PPP2R3A: variants seen among roughly 807,000 people sequenced by gnomAD.
PPP2R3A encodes serine/threonine-protein phosphatase 2A regulatory subunit B'' subunit alpha.
PPP2R3A carries 80 observed loss-of-function variants against 106.9 expected under a neutral mutation model. That is an observed-to-expected ratio of 0.75 (90% confidence interval 0.62 to 0.90). The LOEUF is 0.90. Ranked by LOEUF, PPP2R3A falls within the 40% of genes least tolerant of loss-of-function variation. PPP2R3A has a pLI of 0.00. For missense variants in PPP2R3A, 1,386 were observed against 1,350.4 expected (o/e 1.03, Z -0.41); for synonymous variants, 483 against 468.3 (o/e 1.03, Z -0.41).
chr3:136,044,832 GCCA>G (rs1935418893), intron 4 of PPP2R3A, among the ~76,000 whole-genome samples: 1 of 152,166 alleles, frequency 6.6e-6, no homozygotes, highest in Non-Finnish European at 1.5e-5. Context: ...TGCAGAGCAG[GCCA>G]CTGTCACTGT....
chr3:135,973,196 T>C (rs1235143041), intron 1 of PPP2R3A, among the ~76,000 whole-genome samples: 1 of 152,218 alleles, frequency 6.6e-6, no homozygotes. Flanking sequence ...AGCTGTGTGA[T>C]TTATGCAAGT....
At chr3:136,139,566 G>C (rs955727240) in intron 13 of PPP2R3A, among the ~76,000 whole-genome samples, 1 of 151,816 alleles carries the variant, frequency 6.6e-6, no homozygotes. Flanking sequence ...GGTGTTATGT[G>C]CCTGTAATCC....
chr3:136,008,714 C>T (rs548648128), intron 2 of PPP2R3A, among the ~76,000 whole-genome samples: 1 of 152,212 alleles, frequency 6.6e-6, no homozygotes, highest in African/African-American at 2.4e-5. Context: ...CATGTTCCTC[C>T]AGAAGTAGAA....
At chr3:135,984,024 T>C (rs907204844) in intron 1 of PPP2R3A, among the ~76,000 whole-genome samples, 2 of 152,144 alleles carry the variant, frequency 1.3e-5, no homozygotes, top group African/African-American at 4.8e-5. Context: ...AAAATTGGAG[T>C]TTAACAGAAA....
At chr3:136,057,553 A>G (rs1195021949) in intron 5 of PPP2R3A, among the ~76,000 whole-genome samples, 3 of 152,130 alleles carry the variant, frequency 2.0e-5, no homozygotes, top group African/African-American at 7.2e-5. Flanking sequence ...ATATAAATGT[A>G]TTTATTACCA....
chr3:136,088,001 A>G, intron 9 of PPP2R3A, 70 bp downstream of exon 9: 2 of 1,357,698 alleles, frequency 1.5e-6, no homozygotes, highest in Non-Finnish European at 2.1e-6. Flanking sequence ...CATTTTAGCA[A>G]AGCTTCCTGA....
chr3:136,062,717 CAAAAAAAA>C (rs34662666), intron 5 of PPP2R3A, among the ~76,000 whole-genome samples: 2 of 114,512 alleles, frequency 1.7e-5, no homozygotes, highest in Non-Finnish European at 3.7e-5. Context: ...GACTCCATCT[CAAAAAAAA>C]AAAAAAAAGA....
chr3:136,071,976 A>G (rs867130703), intron 6 of PPP2R3A, among the ~76,000 whole-genome samples: 4 of 148,628 alleles, frequency 2.7e-5, no homozygotes, highest in Non-Finnish European at 4.5e-5. Flanking sequence ...CTCCCTGATC[A>G]CTCTCTGTTT....
At chr3:136,117,455 G>T (rs1937813896) in intron 13 of PPP2R3A, among the ~76,000 whole-genome samples, 1 of 151,840 alleles carries the variant, frequency 6.6e-6, no homozygotes, top group African/African-American at 2.4e-5. Context: ...CTGGTTTTTT[G>T]AAAAAATCAA....
chr3:135,977,855 A>G (rs1436811430), intron 1 of PPP2R3A, among the ~76,000 whole-genome samples: 1 of 151,630 alleles, frequency 6.6e-6, no homozygotes, highest in African/African-American at 2.4e-5. Flanking sequence ...GTGAGCCACC[A>G]CTGCCCGGCT....
At chr3:136,141,602 T>C (rs932152570) in intron 13 of PPP2R3A, among the ~76,000 whole-genome samples, 1 of 151,958 alleles carries the variant, frequency 6.6e-6, no homozygotes, top group Non-Finnish European at 1.5e-5. Flanking sequence ...AATTCAGGAG[T>C]GAATAATCAG....
intron 13 of PPP2R3A, among the ~76,000 whole-genome samples, chr3:136,137,612 G>A (rs988579461): frequency 4.5e-5 from 6 of 134,710 alleles, no homozygotes; most frequent in Non-Finnish European, 7.6e-5. Flanking sequence ...CGCGATCTCC[G>A]CTCACTGCAA....
intron 13 of PPP2R3A, among the ~76,000 whole-genome samples, chr3:136,136,644 G>A (rs371692903): frequency 4.6e-5 from 7 of 152,256 alleles, no homozygotes; most frequent in African/African-American, 1.7e-4. Flanking sequence ...AAACTGTTAC[G>A]TAGGAGGTCC....
chr3:136,072,781 A>AT (rs1166979414), intron 6 of PPP2R3A, among the ~76,000 whole-genome samples: 4 of 152,232 alleles, frequency 2.6e-5, no homozygotes, highest in Non-Finnish European at 5.9e-5. Flanking sequence ...GTTGGCATGT[A>AT]TTCTTAGATA....
chr3:135,979,127 C>A (rs944603408), intron 1 of PPP2R3A, among the ~76,000 whole-genome samples: 1 of 151,524 alleles, frequency 6.6e-6, no homozygotes, highest in Admixed American at 6.6e-5. Context: ...GCCTGTAATC[C>A]CAGCACTTTG....
chr3:136,003,290 A>G lies in PPP2R3A; in HGVS notation c.1792A>G (p.Ile598Val). ...RALLLRILES[I>V]EDFAQELVEC... ...CCTCTTACTGCGAATCCTGGAAAGC[A>G]TTGAAGACTTTGCTCAAGAACTAGT... The change falls in exon 2 of 14, where the codon ATT becomes GTT. Residue 598 changes from isoleucine to valine, a missense_variant. Coordinates refer to ENST00000264977, the MANE Select transcript of PPP2R3A (RefSeq NM_002718.5). The G allele has an allele frequency of 6.2e-7, 1 of 1,613,986 alleles. No individual in the cohort carries two copies. Among genetic ancestry groups the G allele is most frequent in the Non-Finnish European group, 8.5e-7 (1 of 1,179,936 alleles).
chr3:136,099,939 G>A (rs954557225), intron 10 of PPP2R3A, among the ~76,000 whole-genome samples: 9 of 150,758 alleles, frequency 6.0e-5, no homozygotes, highest in African/African-American at 2.2e-4. Context: ...AAAAAGAGAA[G>A]GAGGGAAAGG....
rs147963500 is a variant in PPP2R3A at position 136,131,263 on chromosome 3, C to T, written c.3330-13780C>T. ...AATGGGAGAAAATTTTTGCAATCTA[C>T]CCACCTGACAAAGGGCTAATATCCA... On this transcript the variant is annotated intron_variant, in intron 13 of 13. Transcript: ENST00000264977. Among the ~76,000 whole-genome samples, 1,142 of 152,224 alleles carry T rather than the reference C, an allele frequency of 7.5e-3. 18 individuals are homozygous for T. The highest frequency in any genetic ancestry group is 0.026 in the African/African-American group (1,076 of 41,532).
At chr3:136,069,495 T>G (rs1936362139) in intron 5 of PPP2R3A, among the ~76,000 whole-genome samples, 3 of 152,132 alleles carry the variant, frequency 2.0e-5, no homozygotes, top group Admixed American at 2.0e-4. Flanking sequence ...GAGAATCCCT[T>G]GAACTTGGAG....
Sources: allele counts gnomAD v4.1 joint callset (sites outside exome capture counted in the v4.1 genomes callset), GRCh38; gene constraint gnomAD v4.1.1; transcripts MANE v1.5; gene names NCBI Gene and HGNC (gene_info 2026-07-23, HGNC 2026-07-21).